Variants in WASHC2C observed in about 807,000 individuals in gnomAD.
The protein encoded by WASHC2C is Vaccinia Penetration Factor.
Under a neutral mutation model 142.2 loss-of-function variants are expected in WASHC2C, and 73 were observed. The observed-to-expected ratio is 0.51, with a 90% CI of 0.43 to 0.62. The LOEUF is 0.62. WASHC2C is among the 20% of genes least tolerant of loss of function. The probability of loss-of-function intolerance (pLI) is 0.00; values close to 1 mark genes in which losing one functional copy is unlikely to be tolerated. For missense variants in WASHC2C, 969 were observed against 1,531.7 expected, an observed-to-expected ratio of 0.63 and a Z score of 6.13; for synonymous variants, 337 against 565.5, an observed-to-expected ratio of 0.60 and a Z score of 5.73.
At chr10:45,738,181 G>C in intron 4 of WASHC2C, 136 bp downstream of exon 4, 1 of 1,565,526 alleles carries the variant, frequency 6.4e-7, no homozygotes, top group Admixed American at 1.9e-5. Flanking sequence ...CAGCCCAAGA[G>C]GGGATTCTTT....
intron 19 of WASHC2C, among the ~76,000 whole-genome samples, chr10:45,766,119 A>G (rs1308723601): frequency 2.6e-5 from 4 of 152,100 alleles, no homozygotes; most frequent in Non-Finnish European, 1.5e-5. Flanking sequence ...GTCCCTTAGA[A>G]CAAATGACAG....
At chr10:45,744,144 C>T (rs530362481) in intron 6 of WASHC2C, among the ~76,000 whole-genome samples, 2 of 151,116 alleles carry the variant, frequency 1.3e-5, no homozygotes, top group Admixed American at 1.3e-4. Context: ...CTGCAACCTC[C>T]ACCTCCTGGG....
intron 17 of WASHC2C, 64 bp downstream of exon 17, chr10:45,759,465 GA>G (rs1176565338): frequency 7.7e-7 from 1 of 1,291,386 alleles, no homozygotes; most frequent in Non-Finnish European, 1.1e-6. Context: ...AACTATTTTT[GA>G]ATCAGGTTTT....
At chr10:45,785,707 A>G (rs2057989046) in intron 26 of WASHC2C, 76 bp downstream of exon 26, 2 of 1,609,584 alleles carry the variant, frequency 1.2e-6, no homozygotes, top group African/African-American at 1.3e-5. Context: ...GCAGACCCAC[A>G]GTTATTTAGA....
chr10:45,751,848 G>T (rs540447566), intron 11 of WASHC2C, among the ~76,000 whole-genome samples: 1 of 152,130 alleles, frequency 6.6e-6, no homozygotes, highest in South Asian at 2.1e-4. Context: ...ATGGTGGTGG[G>T]TGCCTGTTGT....
At position 45,754,405 on chromosome 10, in the gene WASHC2C, C is replaced by G. The variant is rs1410104308; in HGVS notation, c.1181-81C>G. The G allele has an allele frequency of 2.0e-5, 32 of 1,604,898 alleles. No individual in the cohort carries two copies. The Middle Eastern group carries it at 6.8e-4, about 34-fold the overall frequency. ...AAGGTCTGGTACTAGCTGTGTGTTA[C>G]ATTGCACGTATTTCAGGAAGAAAAT... is the stretch of plus-strand genomic sequence containing the variant. On this transcript the variant is annotated intron_variant, in intron 13 of 30. Transcript: ENST00000623400.
At chr10:45,730,005 CAGT>C (rs1176916102) in intron 3 of WASHC2C, among the ~76,000 whole-genome samples, 8 of 148,494 alleles carry the variant, frequency 5.4e-5, no homozygotes, top group African/African-American at 2.0e-4. Flanking sequence ...ATCTCTTTGC[CAGT>C]TATTTCCTTT....
chr10:45,761,723 T>G (rs2055118244), intron 17 of WASHC2C, among the ~76,000 whole-genome samples: 1 of 152,238 alleles, frequency 6.6e-6, no homozygotes, highest in South Asian at 2.1e-4. Flanking sequence ...TTTCTTGCAG[T>G]ACCAAGAAAG....
chr10:45,764,429 G>A (rs1217646366), intron 18 of WASHC2C, among the ~76,000 whole-genome samples: 1 of 151,812 alleles, frequency 6.6e-6, no homozygotes, highest in African/African-American at 2.4e-5. Context: ...TTCAGGGTGA[G>A]CTGTACTTTA....
Position 45,789,406 on chromosome 10 carries a change from T to C in WASHC2C, c.3623T>C (p.Leu1208Pro). Residue 1208 changes from leucine to proline, a missense_variant, in exon 29 of 31, where the codon CTC becomes CCC. By Grantham distance (98) the Leu-to-Pro change is moderately conservative. Coordinates refer to ENST00000623400, the MANE Select transcript of WASHC2C (RefSeq NM_001330074.2). Reference sequence around the variant, plus strand: ...CCTCTCCTGGAAGATGAGGATGACCTCTTTACAGATCAGAAAGTCAAGAAG... The same window carrying C: ...CCTCTCCTGGAAGATGAGGATGACCCCTTTACAGATCAGAAAGTCAAGAAG... ...PFPLLEDEDD[L>P]FTDQKVKKNE... The C allele has an allele frequency of 6.2e-7, 1 of 1,612,040 alleles. No individual in the cohort carries two copies.
At chr10:45,761,642 T>C (rs1554880025) in intron 17 of WASHC2C, among the ~76,000 whole-genome samples, 2 of 152,192 alleles carry the variant, frequency 1.3e-5, no homozygotes, top group Non-Finnish European at 1.5e-5. Context: ...TCTCTATATC[T>C]GAAGTGTGAG....
chr10:45,744,206 C>G, intron 6 of WASHC2C, among the ~76,000 whole-genome samples: 1 of 144,382 alleles, frequency 6.9e-6, no homozygotes, highest in African/African-American at 2.6e-5. Flanking sequence ...TTACAGGTGC[C>G]CACCACCACA....
In WASHC2C at chr10:45,747,196, C is replaced by T. The variant is rs1215865403; in HGVS notation, c.732+549C>T. Among the ~76,000 whole-genome samples the T allele has an allele frequency of 3.9e-5, 6 of 151,976 alleles. No individual in the cohort carries two copies. The East Asian group carries it at 5.8e-4, about 15-fold the overall frequency. On this transcript the variant is annotated intron_variant, in intron 8 of 30. Transcript: ENST00000623400. ...GCTCTTGTTGTCCAGGCTGGAGTGC[C>T]GTGGCGTGATCTCAGCTCACTGCAA... is the stretch of plus-strand genomic sequence containing the variant.
In WASHC2C at chr10:45,785,049, T is replaced by C. The variant is rs188798058; in HGVS notation, c.2688+148T>C. ...GGCAAATAACATGCCGAGGGGAGCGTGTGTGGAGGATGCAATGCTTAGTTT... is the reference window on the plus strand; with the variant it reads ...GGCAAATAACATGCCGAGGGGAGCGCGTGTGGAGGATGCAATGCTTAGTTT... On this transcript the variant is annotated intron_variant, in intron 25 of 30. Coordinates refer to ENST00000623400, the MANE Select transcript of WASHC2C (RefSeq NM_001330074.2). 4,097 of 1,563,628 alleles carry C rather than the reference T, an allele frequency of 2.6e-3. 7 individuals are homozygous for C. The highest frequency in any genetic ancestry group is 3.2e-3 in the Non-Finnish European group (3,698 of 1,145,770).
chr10:45,732,414 T>A (rs2050715997), intron 3 of WASHC2C, among the ~76,000 whole-genome samples: 1 of 152,158 alleles, frequency 6.6e-6, no homozygotes, highest in Non-Finnish European at 1.5e-5. Flanking sequence ...TTGGCCAGTG[T>A]TCTAGTGTCT....
chr10:45,752,560 C>T (rs1289899344), intron 11 of WASHC2C, 28 bp from the exon 12 acceptor site: 8 of 1,580,500 alleles, frequency 5.1e-6, no homozygotes, highest in African/African-American at 2.7e-5. Context: ...TTAATACTCC[C>T]TGCAAAACAT....
intron 4 of WASHC2C, 90 bp downstream of exon 4, chr10:45,738,135 G>C: frequency 1.2e-6 from 2 of 1,611,648 alleles, no homozygotes; most frequent in Non-Finnish European, 1.7e-6. Context: ...GGGGATGGTG[G>C]GTGGGGTTGG....
Position 45,784,712 on chromosome 10 carries a change from C to T in WASHC2C, c.2607+19C>T. 6.2e-7 allele frequency: 1 copy of T among 1,604,294 alleles called. No individual in the cohort carries two copies. The highest frequency in any genetic ancestry group is 1.1e-5 in the South Asian group (1 of 90,528). ...AACCAAGGTCAGTTCCAAATGGTTCCCCACAGTATGACTTGTTATTGTATT... is the reference window on the plus strand; with the variant it reads ...AACCAAGGTCAGTTCCAAATGGTTCTCCACAGTATGACTTGTTATTGTATT... On this transcript the variant is annotated intron_variant, in intron 24 of 30. Transcript: ENST00000623400.
Position 45,788,094 on chromosome 10 carries a change from C to T in WASHC2C, c.3088-777C>T, listed in dbSNP as rs1221848473. ...CAAAACAAAACAGCCTTCCTTTTAACGACAATTTTCATTGGCTTTTTTTTT... is the reference window on the plus strand; with the variant it reads ...CAAAACAAAACAGCCTTCCTTTTAATGACAATTTTCATTGGCTTTTTTTTT... On this transcript the variant is annotated intron_variant, in intron 28 of 30. Transcript: ENST00000623400. Among the ~76,000 whole-genome samples the T allele has an allele frequency of 5.4e-4, 83 of 152,304 alleles. No homozygotes were observed. The Middle Eastern group carries it at 0.01, about 19-fold the overall frequency.
Sources: gnomAD v4.1 joint callset for allele counts (sites outside exome capture counted in the v4.1 genomes callset) on GRCh38, gnomAD v4.1.1 for gene constraint, MANE v1.5 for transcripts, NCBI Gene and HGNC (gene_info 2026-07-23, HGNC 2026-07-21) for gene names.